PKD2L2: variants seen among roughly 807,000 people sequenced by gnomAD.
PKD2L2 encodes polycystin 2 like 2, transient receptor potential cation channel.
PKD2L2 carries 67 observed loss-of-function variants against 83.9 expected under a neutral mutation model. The ratio of observed to expected loss-of-function variants is 0.80; its 90% CI spans 0.66 to 0.98. The LOEUF (loss-of-function observed/expected upper bound fraction) is 0.98, where lower values mean the gene tolerates loss of function less well. Ranked by LOEUF, PKD2L2 falls within the 50% of genes least tolerant of loss-of-function variation. The pLI is 0.00. For synonymous variants in PKD2L2, 223 were observed against 237.8 expected, an observed-to-expected ratio of 0.94 and a Z score of 0.57; for missense variants, 632 against 717.2, an observed-to-expected ratio of 0.88 and a Z score of 1.36.
chr5:137,927,814 T>C lies in PKD2L2; in HGVS notation c.1671+1885T>C, dbSNP rs58283871. ...TTAGTAGAGACCAGGTTTCACTACG[T>C]TGGCCAGGCTGGTCTCGAACTCTTT... is the stretch of plus-strand genomic sequence containing the variant. On this transcript the variant is annotated intron_variant, in intron 12 of 14. Coordinates refer to ENST00000508883, the MANE Select transcript of PKD2L2 (RefSeq NM_001300921.2). Among the ~76,000 whole-genome samples the C allele has an allele frequency of 6.5e-3, 992 of 152,324 alleles. 18 individuals are homozygous for C. The East Asian group carries it at 0.088, about 13-fold the overall frequency.
intron 9 of PKD2L2, among the ~76,000 whole-genome samples, 156 bp downstream of exon 9, chr5:137,921,912 G>A (rs1758941460): frequency 6.6e-6 from 1 of 152,182 alleles, no homozygotes. Context: ...CACTAGTCCA[G>A]TGACTGTTTT....
chr5:137,903,340 C>G (rs1303660060), intron 5 of PKD2L2, among the ~76,000 whole-genome samples: 1 of 152,156 alleles, frequency 6.6e-6, no homozygotes, highest in East Asian at 1.9e-4. Flanking sequence ...TTGAGTCCAG[C>G]ATCAAGGGCT....
intron 4 of PKD2L2, 62 bp downstream of exon 4, chr5:137,894,671 T>C (rs1756282679): frequency 3.8e-6 from 5 of 1,324,464 alleles, no homozygotes; most frequent in East Asian, 2.3e-5. Flanking sequence ...CTTTTAGATA[T>C]GTGTCTTCCA....
chr5:137,899,449 T>C (rs1756769901), intron 4 of PKD2L2, 67 bp from the exon 5 acceptor site: 1 of 1,115,154 alleles, frequency 9.0e-7, no homozygotes, highest in East Asian at 2.4e-5. Flanking sequence ...AAAGATCGAT[T>C]TAAATTCTTA....
At chr5:137,926,091 C>T (rs1235827786) in intron 12 of PKD2L2, among the ~76,000 whole-genome samples, 162 bp downstream of exon 12, 2 of 152,114 alleles carry the variant, frequency 1.3e-5, no homozygotes, top group African/African-American at 2.4e-5. Context: ...ATGTTTAGGA[C>T]AAACCATTTG....
intron 8 of PKD2L2, among the ~76,000 whole-genome samples, chr5:137,914,977 T>C (rs1259180487): frequency 4.6e-5 from 7 of 152,228 alleles, no homozygotes; most frequent in Non-Finnish European, 5.9e-5. Flanking sequence ...AAATCTCACT[T>C]GTTCATGGTA....
chr5:137,926,778 T>G (rs1048190213), intron 12 of PKD2L2, among the ~76,000 whole-genome samples: 5 of 152,198 alleles, frequency 3.3e-5, no homozygotes, highest in Non-Finnish European at 1.5e-5. Context: ...CAGGTCCACT[T>G]AAATGCGTAA....
intron 14 of PKD2L2, chr5:137,939,067 AAAAAAGATATGCT>A (rs1760934869): frequency 6.6e-6 from 1 of 152,186 alleles, no homozygotes; most frequent in South Asian, 2.1e-4. Flanking sequence ...AGCCAAAGGA[AAAAAAGATATGCT>A]AAGAGTATAT....
intron 5 of PKD2L2, among the ~76,000 whole-genome samples, chr5:137,904,399 C>T: frequency 6.6e-6 from 1 of 152,070 alleles, no homozygotes; most frequent in Non-Finnish European, 1.5e-5. Flanking sequence ...GCTAAAGAGG[C>T]AAACAACAGT....
chr5:137,903,438 C>T (rs975037637), intron 5 of PKD2L2, among the ~76,000 whole-genome samples: 1 of 152,184 alleles, frequency 6.6e-6, no homozygotes, highest in Non-Finnish European at 1.5e-5. Context: ...CAGGCTCTAA[C>T]ATTTCTGGGA....
intron 8 of PKD2L2, among the ~76,000 whole-genome samples, chr5:137,916,182 AC>A: frequency 6.7e-6 from 1 of 150,298 alleles, no homozygotes; most frequent in African/African-American, 2.4e-5. Flanking sequence ...TTTCTCCCTC[AC>A]TTTTTTTTTT....
chr5:137,923,633 C>G (rs1759123284), intron 10 of PKD2L2, 112 bp downstream of exon 10: 1 of 678,920 alleles, frequency 1.5e-6, no homozygotes, highest in African/African-American at 1.8e-5. Context: ...CCCACTCCCA[C>G]CCCATCCCAT....
At chr5:137,917,120 C>T (rs1404533906) in intron 8 of PKD2L2, among the ~76,000 whole-genome samples, 1 of 149,924 alleles carries the variant, frequency 6.7e-6, no homozygotes, top group Non-Finnish European at 1.5e-5. Flanking sequence ...TGTTGGTCTA[C>T]TTGATGGTGT....
At chr5:137,919,049 C>G (rs1758652956) in intron 8 of PKD2L2, among the ~76,000 whole-genome samples, 1 of 151,922 alleles carries the variant, frequency 6.6e-6, no homozygotes, top group Non-Finnish European at 1.5e-5. Flanking sequence ...TTGCTACACC[C>G]TCAAGTTAAA....
chr5:137,892,956 A>G (rs7715429), intron 3 of PKD2L2, among the ~76,000 whole-genome samples: 2,267 of 152,248 alleles, frequency 0.015, 38 homozygotes, highest in African/African-American at 0.04. Context: ...AAAAAATACA[A>G]ACATTAGCCA....
At chr5:137,940,514 G>T in intron 14 of PKD2L2, 2 of 553,220 alleles carry the variant, frequency 3.6e-6, no homozygotes, top group South Asian at 2.6e-5. Context: ...TCATCCCCAA[G>T]GAACACTTCT....
At chr5:137,902,429 T>C (rs1757039341) in intron 5 of PKD2L2, among the ~76,000 whole-genome samples, 1 of 152,094 alleles carries the variant, frequency 6.6e-6, no homozygotes, top group Admixed American at 6.6e-5. Flanking sequence ...CCTCCCTTTC[T>C]CTTCCCCTCC....
intron 10 of PKD2L2, among the ~76,000 whole-genome samples, chr5:137,923,754 C>T (rs1390598556): frequency 6.6e-6 from 1 of 152,152 alleles, no homozygotes; most frequent in Non-Finnish European, 1.5e-5. Flanking sequence ...AAAATTATTT[C>T]AGAGTTCAAT....
intron 9 of PKD2L2, among the ~76,000 whole-genome samples, chr5:137,922,100 T>C (rs1174107727): frequency 6.6e-6 from 1 of 152,256 alleles, no homozygotes; most frequent in South Asian, 2.1e-4. Context: ...TTTTGGCCCT[T>C]ACAGCTAAAC....
Sources: allele counts gnomAD v4.1 joint callset (sites outside exome capture counted in the v4.1 genomes callset), GRCh38; gene constraint gnomAD v4.1.1; transcripts MANE v1.5; gene names NCBI Gene and HGNC (gene_info 2026-07-23, HGNC 2026-07-21).